Variants in PIEZO2 observed in about 807,000 individuals in gnomAD.
PIEZO2 encodes piezo-type mechanosensitive ion channel component 2.
PIEZO2 carries 172 observed loss-of-function variants against 337.3 expected under a neutral mutation model. That is an observed-to-expected ratio of 0.51 (90% CI 0.45 to 0.58). The LOEUF is 0.58. Ranked by LOEUF, PIEZO2 falls within the 20% of genes least tolerant of loss-of-function variation. PIEZO2 has a pLI of 0.00. For synonymous variants in PIEZO2, 1,251 were observed against 1,228.5 expected (o/e 1.02, Z -0.38); for missense variants, 3,028 against 3,391.3 (o/e 0.89, Z 2.66).
intron 31 of PIEZO2, 122 bp downstream of exon 31, chr18:10,744,020 T>A (rs547124282): frequency 1.6e-6 from 1 of 624,212 alleles, no homozygotes; most frequent in South Asian, 2.1e-5. Flanking sequence ...AAATAGGAAG[T>A]TGTGAAAGTC....
At position 10,758,098 on chromosome 18, in the gene PIEZO2, C is replaced by T. The variant is rs923388115; in HGVS notation, c.3794G>A (p.Arg1265Gln). ...CTTGTTCTCATCCTCAAAAATCTGC[C>T]GTTGTAAGGAGGCACACAGAAGCAG... ...FMLLLCASLQ[R>Q]QIFEDENKAA... Residue 1265 changes from arginine (R) to glutamine (Q), a missense_variant, in exon 27 of 56, where the codon CGG (arginine) becomes CAG (glutamine). Transcript: ENST00000674853. The T allele has an allele frequency of 1.2e-5, 19 of 1,537,562 alleles. No individual in the cohort carries two copies. The highest frequency in any genetic ancestry group is 2.4e-5 in the East Asian group (1 of 40,910).
At chr18:10,674,049 A>G (rs1303692437) in intron 54 of PIEZO2, among the ~76,000 whole-genome samples, 1 of 152,206 alleles carries the variant, frequency 6.6e-6, no homozygotes, top group Non-Finnish European at 1.5e-5. Context: ...GAATCCAAGA[A>G]TGGTACTTGA....
chr18:11,034,291 T>C (rs564568007), intron 2 of PIEZO2, among the ~76,000 whole-genome samples: 1 of 152,046 alleles, frequency 6.6e-6, no homozygotes, highest in African/African-American at 2.4e-5. Context: ...TATCATTTCT[T>C]TTCTTTTCTT....
At chr18:11,017,086 T>A (rs554795233) in intron 2 of PIEZO2, among the ~76,000 whole-genome samples, 1 of 152,196 alleles carries the variant, frequency 6.6e-6, no homozygotes, top group South Asian at 2.1e-4. Context: ...AAAGAATTTC[T>A]AGGGACGAGG....
At chr18:10,823,348 G>T (rs1019562062) in intron 7 of PIEZO2, among the ~76,000 whole-genome samples, 33 of 151,928 alleles carry the variant, frequency 2.2e-4, no homozygotes, top group African/African-American at 7.7e-4. Context: ...ACAACCTGCC[G>T]CTTCTCTTTT....
intron 3 of PIEZO2, among the ~76,000 whole-genome samples, chr18:10,935,204 A>G (rs1202587136): frequency 6.6e-6 from 1 of 152,210 alleles, no homozygotes; most frequent in Non-Finnish European, 1.5e-5. Flanking sequence ...TCTTGGGGAA[A>G]GTATGCTGTG....
intron 3 of PIEZO2, among the ~76,000 whole-genome samples, chr18:10,959,187 T>C (rs991553753): frequency 1.3e-4 from 20 of 152,202 alleles, no homozygotes; most frequent in African/African-American, 4.1e-4. Context: ...AAAAGAGCTG[T>C]TTTAAATGGT....
At chr18:10,891,882 T>C (rs190631759) in intron 4 of PIEZO2, among the ~76,000 whole-genome samples, 1 of 149,744 alleles carries the variant, frequency 6.7e-6, no homozygotes, top group East Asian at 1.9e-4. Flanking sequence ...GTAAAGCACA[T>C]AAAATAGAGT....
chr18:10,996,198 T>C (rs760182358), intron 2 of PIEZO2, among the ~76,000 whole-genome samples: 1 of 152,226 alleles, frequency 6.6e-6, no homozygotes, highest in Non-Finnish European at 1.5e-5. Context: ...TCCACCGTAG[T>C]GTTTGTTGCT....
At chr18:10,860,505 G>A (rs530566737) in intron 5 of PIEZO2, among the ~76,000 whole-genome samples, 88 of 152,188 alleles carry the variant, frequency 5.8e-4, no homozygotes, top group African/African-American at 2.0e-3. Flanking sequence ...ACCCACCAGA[G>A]CTATCGCCAG....
At position 10,696,416 on chromosome 18, in the gene PIEZO2, A is replaced by T. The variant is rs149760063; in HGVS notation, c.6951T>A (p.Ile2317=). The stretch of plus-strand genomic sequence containing the variant: ...CCCCAAAGGCCCAAAAGCCGAAGAC[A>T]ATGATGATGAAGTCCACAGTGTCAG... ...FLADTVDFII[I]VFGFWAFGKH... is the part of the protein sequence containing the mutation. The change falls in exon 46 of 56, where the codon ATT becomes ATA. Residue 2317 remains isoleucine, a synonymous_variant. Coordinates refer to ENST00000674853, the MANE Select transcript of PIEZO2 (RefSeq NM_001378183.1). The T allele has an allele frequency of 6.2e-7, 1 of 1,614,232 alleles. No individual in the cohort carries two copies. Among genetic ancestry groups the T allele is most frequent in the Non-Finnish European group, 8.5e-7 (1 of 1,180,038 alleles).
rs1047978814 is a variant in PIEZO2 at position 11,149,109 on chromosome 18, G to A, written c.-521C>T. Reference sequence around the variant, plus strand: ...CGGCCTCGTCTCCGCTGCCCACGCAGGCTGCCGCGCTCTGGCCTCGGCCCC... The same window carrying A: ...CGGCCTCGTCTCCGCTGCCCACGCAAGCTGCCGCGCTCTGGCCTCGGCCCC... On this transcript the variant is annotated 5_prime_UTR_variant, in exon 1 of 56. Coordinates refer to ENST00000674853, the MANE Select transcript of PIEZO2 (RefSeq NM_001378183.1). This position sits in a 1 kb window ranked among gnomAD's most constrained non-coding sequence, Gnocchi z 8.7. 5.3e-5 allele frequency among the ~76,000 whole-genome samples: 8 copies of A among 152,130 alleles called. No homozygotes were observed. Among genetic ancestry groups the A allele is most frequent in the Non-Finnish European group, 8.8e-5 (6 of 68,010 alleles).
rs1165500112 is a variant in PIEZO2, at chr18:10,731,470, G to A, written c.4966C>T (p.His1656Tyr). 1 of 1,533,630 alleles carries A rather than the reference G, an allele frequency of 6.5e-7. No homozygotes were observed. Among genetic ancestry groups the A allele is most frequent in the East Asian group, 2.5e-5 (1 of 40,740 alleles). The change falls in exon 36 of 56, where the codon CAC becomes TAC. Residue 1656 changes from histidine to tyrosine, a missense_variant. Transcript: ENST00000674853. ...CTTGCAGACCTTTTTTTCTCTTTGT[G>A]TCTTTGTCGGAGTGCTGTTTTAGGA... The part of the protein sequence containing the change: ...TDPKTALRQR[H>Y]KEKKRSAREE...
Position 11,035,314 on chromosome 18 carries a change from C to CCT in PIEZO2, c.160+30811_160+30812dup, listed in dbSNP as rs113371336. Reference sequence around the variant, plus strand: ...AAGCCTGGCACCTTCTCTCTCTCTCCCTCTCTCTCTCTCTCTCTCTTTCTC... The same window carrying CCT: ...AAGCCTGGCACCTTCTCTCTCTCTCCCTCTCTCTCTCTCTCTCTCTCTTTCTC... On this transcript the variant is annotated intron_variant, in intron 2 of 55. Coordinates refer to ENST00000674853, the MANE Select transcript of PIEZO2 (RefSeq NM_001378183.1). This position sits in a 1 kb window ranked among gnomAD's most constrained non-coding sequence, Gnocchi z 4.3. Among the ~76,000 whole-genome samples, 77 of 149,772 alleles carry CCT rather than the reference C, an allele frequency of 5.1e-4. 1 individual carries two copies. Among genetic ancestry groups the CCT allele is most frequent in the East Asian group, 2.0e-3 (10 of 5,068 alleles).
At chr18:11,093,574 A>ATG (rs1419910743) in intron 1 of PIEZO2, among the ~76,000 whole-genome samples, 1 of 126,286 alleles carries the variant, frequency 7.9e-6, no homozygotes, top group East Asian at 2.4e-4. Flanking sequence ...TTCACTCAAC[A>ATG]TCTTTTTTTT....
intron 36 of PIEZO2, among the ~76,000 whole-genome samples, chr18:10,723,430 T>C (rs1398618640): frequency 6.6e-6 from 1 of 152,108 alleles, no homozygotes; most frequent in Non-Finnish European, 1.5e-5. Flanking sequence ...AGACTGGGTA[T>C]AGATGACTCG....
chr18:10,763,436 A>G lies in PIEZO2; in HGVS notation c.2947-338T>C, dbSNP rs144176022. On this transcript the variant is annotated intron_variant, in intron 21 of 55. Coordinates refer to ENST00000674853, the MANE Select transcript of PIEZO2 (RefSeq NM_001378183.1). ...GAGGTCAGGAAGCACTTTCAAGAAGAGACAGTGCCTGAACTAAGCCAAGCC... is the reference window on the plus strand; with the variant it reads ...GAGGTCAGGAAGCACTTTCAAGAAGGGACAGTGCCTGAACTAAGCCAAGCC... Among the ~76,000 whole-genome samples, 745 of 151,788 alleles carry G rather than the reference A, an allele frequency of 4.9e-3. 6 individuals are homozygous for G. The highest frequency in any genetic ancestry group is 0.017 in the African/African-American group (708 of 41,482).
rs1426480823 is a variant in PIEZO2, at chr18:11,048,344, C to T, written c.160+17783G>A. ...CTTACGGTTACTCATGGCTCTGGGG[C>T]CAAGCGGACTGCCTGGCCCATTTCA... is the stretch of plus-strand genomic sequence containing the variant. On this transcript the variant is annotated intron_variant, in intron 2 of 55. Coordinates refer to ENST00000674853, the MANE Select transcript of PIEZO2 (RefSeq NM_001378183.1). The surrounding 1 kb of genome is among the most constrained non-coding windows in gnomAD (Gnocchi z 4.5). Among the ~76,000 whole-genome samples the T allele has an allele frequency of 6.6e-6, 1 of 152,154 alleles. No individual in the cohort carries two copies. The highest frequency in any genetic ancestry group is 1.5e-5 in the Non-Finnish European group (1 of 68,038).
chr18:10,950,503 T>C (rs570152560), intron 3 of PIEZO2, among the ~76,000 whole-genome samples: 58 of 152,360 alleles, frequency 3.8e-4, no homozygotes, highest in African/African-American at 1.3e-3. Context: ...TGATATCTGA[T>C]CACCGGGTGA....
Sources: gnomAD v4.1 joint callset for allele counts (sites outside exome capture counted in the v4.1 genomes callset) on GRCh38, gnomAD v4.1.1 for gene constraint, Gnocchi (gnomAD v3.1) non-coding constraint, MANE v1.5 for transcripts, NCBI Gene and HGNC (gene_info 2026-07-23, HGNC 2026-07-21) for gene names.